The following PARD3 variants were observed in gnomAD, a reference collection of about 807,000 sequenced individuals.
The protein encoded by PARD3 is partitioning defective 3 homolog.
Under a neutral mutation model 155.4 loss-of-function variants are expected in PARD3, and 75 were observed. The ratio of observed to expected loss-of-function variants is 0.48; its 90% CI spans 0.40 to 0.58. The LOEUF is 0.58. Ranked by LOEUF, PARD3 falls within the 20% of genes least tolerant of loss-of-function variation. The pLI is 0.00. For synonymous variants in PARD3, 576 were observed against 610.5 expected (o/e 0.94, Z 0.83); for missense variants, 1,642 against 1,721.7 (o/e 0.95, Z 0.82).
chr10:34,227,856 T>TTATATATA lies in PARD3; in HGVS notation c.3419+41793_3419+41800dup, dbSNP rs55681930. ...TATTCCCAGTAATGGGAATTATTTT[T>TTATATATA]TATATATATATATATATATATATAT... is the stretch of plus-strand genomic sequence containing the variant. On this transcript the variant is annotated intron_variant, in intron 22 of 24. Coordinates refer to ENST00000374788, the MANE Select transcript of PARD3 (RefSeq NM_001184785.2). 2.4e-3 allele frequency among the ~76,000 whole-genome samples: 198 copies of TTATATATA among 82,126 alleles called. 6 individuals are homozygous for TTATATATA. The highest frequency in any genetic ancestry group is 0.014 in the Admixed American group (116 of 8,464). The allele number at this position is 82,126 out of a possible 152,430, so 53.9% of individuals were successfully genotyped here.
chr10:34,498,005 T>G (rs2080406377), intron 3 of PARD3, among the ~76,000 whole-genome samples: 1 of 152,124 alleles, frequency 6.6e-6, no homozygotes, highest in African/African-American at 2.4e-5. Flanking sequence ...AAGAAGTGCT[T>G]TCCCCCCTCT....
At chr10:34,806,561 C>T (rs1321148196) in intron 1 of PARD3, among the ~76,000 whole-genome samples, 1 of 151,394 alleles carries the variant, frequency 6.6e-6, no homozygotes, top group Non-Finnish European at 1.5e-5. Flanking sequence ...GAACTCCTGG[C>T]CTCAAGCAAT....
chr10:34,623,154 A>C lies in PARD3; in HGVS notation c.222+73164T>G, dbSNP rs551124449. Among the ~76,000 whole-genome samples the C allele has an allele frequency of 2.0e-5, 3 of 152,290 alleles. No individual in the cohort carries two copies. In the East Asian group the frequency reaches 5.8e-4, roughly 29 times the overall value. ...ACACACAAAAGCATATGGGAATATA[A>C]GCTGGGCTTCGACAGTCGAAAGTGA... On this transcript the variant is annotated intron_variant, in intron 2 of 24. Transcript: ENST00000374788.
At chr10:34,346,630 G>C (rs79114543) in intron 15 of PARD3, among the ~76,000 whole-genome samples, 5,971 of 152,232 alleles carry the variant, frequency 0.039, 161 homozygotes, top group Non-Finnish European at 0.056. Context: ...GAAGAGAGTG[G>C]TAAGTAATAA....
chr10:34,691,145 G>C (rs1034690040), intron 2 of PARD3, among the ~76,000 whole-genome samples: 4 of 152,188 alleles, frequency 2.6e-5, no homozygotes, highest in Non-Finnish European at 4.4e-5. Flanking sequence ...AAGAGAGGAA[G>C]TCAAACTCTC....
chr10:34,374,428 C>A lies in PARD3; in HGVS notation c.1668+446G>T, dbSNP rs117530442. On this transcript the variant is annotated intron_variant, in intron 11 of 24. Coordinates refer to ENST00000374788, the MANE Select transcript of PARD3 (RefSeq NM_001184785.2). ...TAATAATTTTTTTAAAAAGGTATTC[C>A]TTTTCATACAACAGTAAGGAAGCAA... Among the ~76,000 whole-genome samples, 4 of 152,056 alleles carry A rather than the reference C, an allele frequency of 2.6e-5. No homozygotes were observed. In the East Asian group the frequency reaches 7.7e-4, roughly 29 times the overall value.
intron 24 of PARD3, among the ~76,000 whole-genome samples, chr10:34,115,914 G>A (rs1588812718): frequency 6.6e-6 from 1 of 152,000 alleles, no homozygotes. Context: ...AGGTTTCACC[G>A]TGTTAGCCAG....
rs192586762 is a variant in PARD3 at position 34,473,675 on chromosome 10, T to C, written c.404-3412A>G. Among the ~76,000 whole-genome samples the C allele has an allele frequency of 2.6e-5, 4 of 152,284 alleles. No individual in the cohort carries two copies. The East Asian group carries it at 5.8e-4, about 22-fold the overall frequency. ...GGGCTGGGACAGAAGCAGTTTTCCA[T>C]CAAACACACTCACCAGCTGTCATGT... On this transcript the variant is annotated intron_variant, in intron 3 of 24. Coordinates refer to ENST00000374788, the MANE Select transcript of PARD3 (RefSeq NM_001184785.2).
At chr10:34,683,647 G>A (rs1367997058) in intron 2 of PARD3, among the ~76,000 whole-genome samples, 1 of 151,720 alleles carries the variant, frequency 6.6e-6, no homozygotes, top group Admixed American at 6.6e-5. Context: ...TCTGTCCCCT[G>A]ACTCACTGGG....
At chr10:34,381,477 C>A (rs1411079633) in intron 9 of PARD3, among the ~76,000 whole-genome samples, 1 of 152,112 alleles carries the variant, frequency 6.6e-6, no homozygotes, top group Non-Finnish European at 1.5e-5. Context: ...ATCATAAAGT[C>A]AAGTCCAATA....
chr10:34,607,635 G>A (rs1369052065), intron 2 of PARD3, among the ~76,000 whole-genome samples: 1 of 152,174 alleles, frequency 6.6e-6, no homozygotes, highest in Non-Finnish European at 1.5e-5. Flanking sequence ...GGCAGGAAAA[G>A]GTAAGTCCAT....
chr10:34,673,138 C>T (rs1008712438), intron 2 of PARD3, among the ~76,000 whole-genome samples: 1 of 152,052 alleles, frequency 6.6e-6, no homozygotes, highest in Non-Finnish European at 1.5e-5. Context: ...CATGGAGATC[C>T]GGGAAGCACC....
At chr10:34,785,736 T>C (rs1840881865) in intron 1 of PARD3, among the ~76,000 whole-genome samples, 1 of 152,168 alleles carries the variant, frequency 6.6e-6, no homozygotes. Context: ...GACAGGCTCA[T>C]GTGAAGGTCT....
chr10:34,682,178 G>A (rs1429826982), intron 2 of PARD3, among the ~76,000 whole-genome samples: 5 of 152,030 alleles, frequency 3.3e-5, no homozygotes, highest in Non-Finnish European at 4.4e-5. Context: ...GTCATCATTC[G>A]ACTGTGCCCT....
At chr10:34,275,688 T>C (rs1240271561) in intron 21 of PARD3, among the ~76,000 whole-genome samples, 2 of 152,194 alleles carry the variant, frequency 1.3e-5, no homozygotes, top group Non-Finnish European at 2.9e-5. Context: ...TAAGAAAATA[T>C]TTGGCTCAGG....
intron 22 of PARD3, among the ~76,000 whole-genome samples, chr10:34,208,808 T>C (rs1378068261): frequency 6.6e-6 from 1 of 152,162 alleles, no homozygotes; most frequent in Non-Finnish European, 1.5e-5. Flanking sequence ...CATTCTGAGT[T>C]CCTTTCAGAC....
intron 14 of PARD3, among the ~76,000 whole-genome samples, chr10:34,351,468 A>G (rs1352499881): frequency 6.6e-6 from 1 of 152,246 alleles, no homozygotes; most frequent in East Asian, 1.9e-4. Context: ...CATTCTGGAA[A>G]ATATTAGCTT....
intron 1 of PARD3, among the ~76,000 whole-genome samples, chr10:34,749,427 A>G (rs1484766979): frequency 6.6e-6 from 1 of 152,046 alleles, no homozygotes; most frequent in Admixed American, 6.5e-5. Flanking sequence ...AACTAAGAGG[A>G]TTATTAGTTT....
intron 19 of PARD3, among the ~76,000 whole-genome samples, chr10:34,324,170 G>C (rs1037267220): frequency 2.0e-5 from 3 of 152,196 alleles, no homozygotes; most frequent in Admixed American, 6.5e-5. Flanking sequence ...AAAATGTTTA[G>C]AGATTATAAA....
Sources: gnomAD v4.1 joint callset for allele counts (sites outside exome capture counted in the v4.1 genomes callset) on GRCh38, gnomAD v4.1.1 for gene constraint, MANE v1.5 for transcripts, NCBI Gene and HGNC (gene_info 2026-07-23, HGNC 2026-07-21) for gene names.